Variants in CSMD3 observed in about 807,000 individuals in gnomAD.
CSMD3 encodes the protein CUB and Sushi multiple domains 3, also known as CUB and sushi domain-containing protein 3.
In CSMD3, 177 loss-of-function variants were observed where a neutral mutation model predicts 435.2. The observed-to-expected ratio is 0.41, with a 90% CI of 0.36 to 0.46. The LOEUF (loss-of-function observed/expected upper bound fraction) is 0.46. Ranked by LOEUF, CSMD3 falls within the 20% of genes least tolerant of loss-of-function variation. CSMD3 has a pLI of 0.34. For synonymous variants in CSMD3, 1,656 were observed against 1,520.5 expected (o/e 1.09, Z -2.07); for missense variants, 4,265 against 4,504.6 (o/e 0.95, Z 1.52).
chr8:113,201,678 C>T (rs2092717396), intron 3 of CSMD3, among the ~76,000 whole-genome samples: 1 of 151,942 alleles, frequency 6.6e-6, no homozygotes, highest in Non-Finnish European at 1.5e-5. Context: ...ACAACCAGAG[C>T]ATTGTGCAGA....
intron 53 of CSMD3, among the ~76,000 whole-genome samples, chr8:112,300,857 A>G (rs1035868461): frequency 1.3e-5 from 2 of 152,168 alleles, no homozygotes; most frequent in Admixed American, 6.6e-5. Context: ...TTTCAAGCTT[A>G]TTAGCCACAC....
intron 19 of CSMD3, 97 bp downstream of exon 19, chr8:112,650,064 C>T: frequency 1.1e-6 from 1 of 923,722 alleles, no homozygotes; most frequent in Non-Finnish European, 1.7e-6. Flanking sequence ...TTTAAAAAAC[C>T]TAAAATATTT....
intron 10 of CSMD3, among the ~76,000 whole-genome samples, chr8:112,917,718 G>A (rs969979655): frequency 6.6e-6 from 1 of 151,830 alleles, no homozygotes; most frequent in African/African-American, 2.4e-5. Context: ...TTGCCGTATT[G>A]GAATTGTAGA....
chr8:113,369,920 A>G (rs2094336603), intron 1 of CSMD3, among the ~76,000 whole-genome samples: 1 of 151,778 alleles, frequency 6.6e-6, no homozygotes, highest in African/African-American at 2.4e-5. Context: ...ACAGTGGGGG[A>G]TTGGGAGATG....
chr8:113,395,469 C>T (rs749328547), intron 1 of CSMD3, among the ~76,000 whole-genome samples: 25 of 151,744 alleles, frequency 1.6e-4, no homozygotes, highest in Non-Finnish European at 2.5e-4. Flanking sequence ...ATTAGCGGGG[C>T]GTGGTGGCGG....
intron 19 of CSMD3, 126 bp from the exon 20 acceptor site, chr8:112,645,351 C>A (rs955575495): frequency 5.8e-5 from 42 of 718,432 alleles, no homozygotes; most frequent in Non-Finnish European, 9.5e-5. Context: ...CTAGTAATAA[C>A]AGGTGTGCAT....
intron 10 of CSMD3, among the ~76,000 whole-genome samples, chr8:112,864,855 T>C (rs1349726979): frequency 6.6e-6 from 1 of 152,210 alleles, no homozygotes; most frequent in East Asian, 1.9e-4. Flanking sequence ...CCTATATTTA[T>C]GATTATCTTA....
chr8:112,757,973 T>G (rs980832330), intron 13 of CSMD3, among the ~76,000 whole-genome samples: 1 of 152,090 alleles, frequency 6.6e-6, no homozygotes, highest in African/African-American at 2.4e-5. Flanking sequence ...AGAAGATCCT[T>G]TAAGCCCAGG....
chr8:113,093,996 T>G (rs2090087361), intron 5 of CSMD3, among the ~76,000 whole-genome samples: 1 of 152,134 alleles, frequency 6.6e-6, no homozygotes, highest in Non-Finnish European at 1.5e-5. Flanking sequence ...AAACTATATA[T>G]CATAATTAAG....
intron 13 of CSMD3, among the ~76,000 whole-genome samples, chr8:112,781,880 GC>G (rs1265813070): frequency 6.6e-6 from 1 of 152,160 alleles, no homozygotes; most frequent in East Asian, 1.9e-4. Context: ...GGCTTGGGGT[GC>G]CCCTTAATGC....
At chr8:112,433,654 C>CA (rs35572894) in intron 32 of CSMD3, among the ~76,000 whole-genome samples, 3,680 of 93,102 alleles carry the variant, frequency 0.04, 102 homozygotes, top group African/African-American at 0.066. Context: ...GAGAACCTGT[C>CA]AAAAAAAAAA....
chr8:113,202,464 CA>C (rs1255687791), intron 3 of CSMD3, among the ~76,000 whole-genome samples: 17 of 152,098 alleles, frequency 1.1e-4, no homozygotes, highest in Non-Finnish European at 1.9e-4. Flanking sequence ...ATTAGGCCTC[CA>C]GGGGGCACTC....
At chr8:112,558,051 G>A (rs1046644896) in intron 24 of CSMD3, among the ~76,000 whole-genome samples, 4 of 151,760 alleles carry the variant, frequency 2.6e-5, no homozygotes, top group Admixed American at 1.3e-4. Context: ...AAGTGTTGGC[G>A]CTCAGAACAA....
chr8:113,091,492 T>C (rs1460425446), intron 5 of CSMD3, among the ~76,000 whole-genome samples: 1 of 152,082 alleles, frequency 6.6e-6, no homozygotes, highest in Non-Finnish European at 1.5e-5. Flanking sequence ...TATGGCTCAG[T>C]CTTGGTAGGT....
At chr8:112,237,492 A>G (rs1813696942) in intron 66 of CSMD3, 144 bp from the exon 67 acceptor site, 1 of 683,398 alleles carries the variant, frequency 1.5e-6, no homozygotes, top group Admixed American at 2.5e-5. Context: ...AATTCTTCAT[A>G]TAAAAATGTT....
chr8:113,021,730 G>GT (rs1193204623), intron 5 of CSMD3, among the ~76,000 whole-genome samples: 1 of 152,224 alleles, frequency 6.6e-6, no homozygotes, highest in Non-Finnish European at 1.5e-5. Context: ...TAGCTACTGT[G>GT]TAACTGCAGT....
In CSMD3 at chr8:113,144,040, T is replaced by C. The variant is rs1179255828; in HGVS notation, c.709+29682A>G. Reference sequence around the variant, plus strand: ...ACAAAAGTTTAATTTAAAAATAAAATGTGATAATTATTTAGTTACTACTTG... The same window carrying C: ...ACAAAAGTTTAATTTAAAAATAAAACGTGATAATTATTTAGTTACTACTTG... On this transcript the variant is annotated intron_variant, in intron 4 of 70. Transcript: ENST00000297405. Among the ~76,000 whole-genome samples the C allele has an allele frequency of 7.3e-5, 11 of 151,222 alleles. 2 individuals carry two copies. The South Asian group carries it at 2.1e-3, about 29-fold the overall frequency.
chr8:112,314,619 T>C lies in CSMD3; in HGVS notation c.7361-2A>G, dbSNP rs1822292304. Reference sequence around the variant, plus strand: ...GTAATTCATTGGCAGGACAGAGCACTGTCAAAGAAAAATGTCATTAAATAA... The same window carrying C: ...GTAATTCATTGGCAGGACAGAGCACCGTCAAAGAAAAATGTCATTAAATAA... On this transcript the variant is annotated splice_acceptor_variant, in intron 47 of 70. Transcript: ENST00000297405. LOFTEE classifies it high-confidence loss of function. The C allele has an allele frequency of 6.2e-7, 1 of 1,608,314 alleles. No individual in the cohort carries two copies.
chr8:113,217,458 C>A (rs561194603), intron 3 of CSMD3, among the ~76,000 whole-genome samples: 2 of 151,328 alleles, frequency 1.3e-5, no homozygotes, highest in East Asian at 3.9e-4. Flanking sequence ...TGTTAAAGGA[C>A]TTAAAGGCAC....
Sources: gnomAD v4.1 joint callset for allele counts (sites outside exome capture counted in the v4.1 genomes callset) on GRCh38, gnomAD v4.1.1 for gene constraint, MANE v1.5 for transcripts, NCBI Gene and HGNC (gene_info 2026-07-23, HGNC 2026-07-21) for gene names.